Variants in IQCE observed in about 807,000 individuals in gnomAD.
IQCE encodes IQ motif containing E.
IQCE carries 115 observed loss-of-function variants against 96.0 expected under a neutral mutation model. The ratio of observed to expected loss-of-function variants is 1.20; its 90% CI spans 1.03 to 1.40. The LOEUF (loss-of-function observed/expected upper bound fraction) is 1.40, where lower values mean the gene tolerates loss of function less well. Among genes scored for constraint, IQCE ranks in the 40% most tolerant of loss-of-function variants. The probability of loss-of-function intolerance (pLI) is 0.00; values close to 1 mark genes in which losing one functional copy is unlikely to be tolerated. For synonymous variants in IQCE, 412 were observed against 371.2 expected, an observed-to-expected ratio of 1.11 and a Z score of -1.26; for missense variants, 1,041 against 909.1, an observed-to-expected ratio of 1.15 and a Z score of -1.87.
chr7:2,582,597 G>A lies in IQCE; in HGVS notation c.648G>A (p.Lys216=). Reference sequence around the variant, plus strand: ...CCGGGCAGGTCATTAACGGGCTGAAGCAGAGGATCCTGAAGCTGGAACAGC... The same window carrying A: ...CCGGGCAGGTCATTAACGGGCTGAAACAGAGGATCCTGAAGCTGGAACAGC... The part of the protein sequence containing the change: ...PDASWVINGL[K]QRILKLEQQC... Residue 216 remains lysine, a synonymous_variant, in exon 9 of 22, where the codon AAG becomes AAA. Transcript: ENST00000402050. 6.2e-7 allele frequency: 1 copy of A among 1,614,104 alleles called. No homozygotes were observed. Among genetic ancestry groups the A allele is most frequent in the Non-Finnish European group, 8.5e-7 (1 of 1,179,992 alleles).
At chr7:2,577,406 CGCGCGGGGACGTGT>C (rs1371841796) in intron 6 of IQCE, among the ~76,000 whole-genome samples, 1 of 123,930 alleles carries the variant, frequency 8.1e-6, no homozygotes, top group African/African-American at 3.1e-5. Context: ...CATGGCTGTG[CGCGCGGGGACGTGT>C]GTGCGGCGTG....
chr7:2,589,929 C>G lies in IQCE; in HGVS notation c.1067C>G (p.Ser356Ter). 6.2e-7 allele frequency: 1 copy of G among 1,613,888 alleles called. No individual in the cohort carries two copies. The highest frequency in any genetic ancestry group is 1.1e-5 in the South Asian group (1 of 91,078). ...LEKKLSVMES[S>*]KSHAAEPVRS... ...CAGAAACTAAGTGTGATGGAGAGCT[C>G]AAAATCACACGCCGCAGAGCCAGTC... Residue 356 changes from serine to a stop codon, truncating the protein, a stop_gained, in exon 14 of 22, where the codon TCA (serine) becomes TGA (stop). Coordinates refer to ENST00000402050, the MANE Select transcript of IQCE (RefSeq NM_152558.5). LOFTEE classifies it high-confidence loss of function.
intron 20 of IQCE, 85 bp from the exon 21 acceptor site, chr7:2,607,035 CCAAG>C: frequency 8.0e-7 from 1 of 1,248,674 alleles, no homozygotes; most frequent in Non-Finnish European, 1.1e-6. Context: ...ATACTTGCCT[CCAAG>C]CAAATTACTG....
chr7:2,587,254 T>C (rs1209599108), intron 12 of IQCE, among the ~76,000 whole-genome samples: 1 of 147,488 alleles, frequency 6.8e-6, no homozygotes, highest in African/African-American at 2.5e-5. Flanking sequence ...TCTGAGTGTG[T>C]GGGAGTGGGG....
At chr7:2,573,640 C>T (rs144810293) in intron 6 of IQCE, 152 bp downstream of exon 6, 92 of 537,964 alleles carry the variant, frequency 1.7e-4, no homozygotes, top group African/African-American at 1.5e-3. Context: ...GCGTAGTGCC[C>T]TAGGAGCTGG....
chr7:2,606,038 C>T (rs761800745), intron 20 of IQCE, 41 bp downstream of exon 20: 16 of 1,571,606 alleles, frequency 1.0e-5, no homozygotes, highest in South Asian at 3.5e-5. Flanking sequence ...AGACATGGCA[C>T]GAGAGGCTGC....
At chr7:2,581,266 C>T (rs1186825338) in intron 8 of IQCE, among the ~76,000 whole-genome samples, 4 of 151,966 alleles carry the variant, frequency 2.6e-5, no homozygotes, top group Non-Finnish European at 4.4e-5. Context: ...AGTGCAGTGG[C>T]GAGATCTCGA....
At chr7:2,585,875 AC>A (rs1783062041) in intron 11 of IQCE, among the ~76,000 whole-genome samples, 1 of 152,138 alleles carries the variant, frequency 6.6e-6, no homozygotes, top group South Asian at 2.1e-4. Flanking sequence ...AAGAGGCGAA[AC>A]CCGAGCTATC....
At chr7:2,591,192 G>A (rs1386480527) in intron 14 of IQCE, among the ~76,000 whole-genome samples, 2 of 152,072 alleles carry the variant, frequency 1.3e-5, no homozygotes, top group East Asian at 3.8e-4. Context: ...AGTCGAGGCT[G>A]CCGTGAGCTA....
intron 18 of IQCE, among the ~76,000 whole-genome samples, chr7:2,603,394 C>T (rs1351826508): frequency 1.3e-5 from 2 of 152,200 alleles, no homozygotes; most frequent in African/African-American, 2.4e-5. Context: ...GGGTAAATGC[C>T]CTCCAGTGAG....
intron 16 of IQCE, 118 bp downstream of exon 16, chr7:2,595,094 C>T (rs2128463399): frequency 1.4e-6 from 1 of 718,916 alleles, no homozygotes; most frequent in Non-Finnish European, 2.5e-6. Flanking sequence ...TCCCACTCCC[C>T]TTTATCATCA....
Position 2,613,486 on chromosome 7 carries a change from G to C in IQCE, c.*3324G>C, listed in dbSNP as rs1785183304. ...GCGTGTCCTGCTCATCCAGGATGGG[G>C]AGAAAGAGGAGGAGGCCCCAGGCTC... is the stretch of plus-strand genomic sequence containing the variant. On this transcript the variant is annotated 3_prime_UTR_variant, in exon 22 of 22. Transcript: ENST00000402050. The C allele has an allele frequency of 6.6e-6, 1 of 152,244 alleles. No homozygotes were observed. The allele number at this position is 152,244 out of a possible 1,614,324, so 9.4% of individuals were successfully genotyped here. A position where few individuals can be genotyped will look rare whatever the true frequency, so the allele number is the denominator to read the frequency against.
intron 17 of IQCE, among the ~76,000 whole-genome samples, chr7:2,600,494 G>A (rs961076265): frequency 5.9e-5 from 9 of 152,162 alleles, no homozygotes; most frequent in African/African-American, 1.7e-4. Context: ...TGTCCTTCCC[G>A]TCACAGCTGT....
At chr7:2,582,479 G>A in intron 8 of IQCE, 101 bp from the exon 9 acceptor site, 1 of 932,340 alleles carries the variant, frequency 1.1e-6, no homozygotes, top group South Asian at 1.4e-5. Context: ...CTGGAGGGAG[G>A]AAGGACAGTG....
chr7:2,588,199 A>C (rs1452703772), intron 13 of IQCE, among the ~76,000 whole-genome samples: 1 of 152,188 alleles, frequency 6.6e-6, no homozygotes, highest in Admixed American at 6.5e-5. Context: ...CCACCACTCA[A>C]GTCGTGTTGG....
At chr7:2,606,036 C>G in intron 20 of IQCE, 39 bp downstream of exon 20, 1 of 1,574,314 alleles carries the variant, frequency 6.4e-7, no homozygotes, top group Non-Finnish European at 8.6e-7. Flanking sequence ...ACAGACATGG[C>G]ACGAGAGGCT....
chr7:2,590,037 G>A lies in IQCE; in HGVS notation c.1175G>A (p.Arg392His), dbSNP rs113614660. ...PRGDRNKDHERLRGAVRDLKE... is the reference protein window; with the variant it reads ...PRGDRNKDHEHLRGAVRDLKE... ...GGGGACCGCAACAAGGACCACGAGCGTCTCCGAGGGGCTGTGAGAGACCTG... is the reference window on the plus strand; with the variant it reads ...GGGGACCGCAACAAGGACCACGAGCATCTCCGAGGGGCTGTGAGAGACCTG... The change falls in exon 14 of 22, where the codon CGT becomes CAT. Residue 392 changes from arginine to histidine, a missense_variant. Coordinates refer to ENST00000402050, the MANE Select transcript of IQCE (RefSeq NM_152558.5). 1.0e-3 allele frequency: 1,623 copies of A among 1,613,274 alleles called. 20 individuals carry two copies. The African/African-American group carries it at 0.017, about 17-fold the overall frequency.
intron 20 of IQCE, 35 bp from the exon 21 acceptor site, chr7:2,607,089 A>G (rs1464967): frequency 0.32 from 491,491 of 1,556,640 alleles, 81,053 homozygotes; most frequent in East Asian, 0.55. Context: ...ACTCTCTAAA[A>G]GCAGAATCAG....
chr7:2,608,471 A>G (rs1451401770), intron 21 of IQCE, among the ~76,000 whole-genome samples: 3 of 152,242 alleles, frequency 2.0e-5, no homozygotes, highest in African/African-American at 7.2e-5. Flanking sequence ...GTTTCGTCAG[A>G]GCTAGAAAAC....
Sources: allele counts gnomAD v4.1 joint callset (sites outside exome capture counted in the v4.1 genomes callset), GRCh38; gene constraint gnomAD v4.1.1; transcripts MANE v1.5; gene names NCBI Gene and HGNC (gene_info 2026-07-23, HGNC 2026-07-21).